The following MARCHF1 variants were observed in gnomAD, a reference collection of about 807,000 sequenced individuals.
MARCHF1 encodes the protein E3 ubiquitin-protein ligase MARCHF1.
In MARCHF1, 40 loss-of-function variants were observed where a neutral mutation model predicts 54.2. The ratio of observed to expected loss-of-function variants is 0.74; its 90% confidence interval spans 0.57 to 0.96. The LOEUF (loss-of-function observed/expected upper bound fraction) is 0.96, where lower values mean the gene tolerates loss of function less well. Among genes scored for constraint, MARCHF1 ranks in the 40% least tolerant of loss-of-function variants. The pLI is 0.00. For missense variants in MARCHF1, 586 were observed against 656.5 expected, an observed-to-expected ratio of 0.89 and a Z score of 1.17; for synonymous variants, 236 against 236.3, an observed-to-expected ratio of 1.00 and a Z score of 0.01.
intron 4 of MARCHF1, among the ~76,000 whole-genome samples, chr4:163,799,057 G>A (rs1188797913): frequency 6.6e-6 from 1 of 151,888 alleles, no homozygotes; most frequent in East Asian, 1.9e-4. Context: ...GTTAAAAATG[G>A]TAATAATGAC....
At chr4:164,182,298 TGAC>T (rs141010348) in intron 1 of MARCHF1, among the ~76,000 whole-genome samples, 22,153 of 151,856 alleles carry the variant, frequency 0.15, 2,164 homozygotes, top group African/African-American at 0.26. Flanking sequence ...TCACTAAACT[TGAC>T]TAATAAATAT....
intron 5 of MARCHF1, among the ~76,000 whole-genome samples, chr4:163,700,560 G>C (rs1489321157): frequency 6.7e-6 from 1 of 148,368 alleles, no homozygotes; most frequent in African/African-American, 2.5e-5. Context: ...AAGGAAGGAA[G>C]GAAGGAAGGA....
chr4:164,330,476 G>A (rs77886156), intron 1 of MARCHF1, among the ~76,000 whole-genome samples: 4 of 152,028 alleles, frequency 2.6e-5, no homozygotes, highest in South Asian at 4.1e-4. Flanking sequence ...AAACCCACCC[G>A]TAGCCACAAA....
chr4:164,197,573 A>G, intron 1 of MARCHF1: 1 of 1,613,288 alleles, frequency 6.2e-7, no homozygotes, highest in Non-Finnish European at 8.5e-7. Flanking sequence ...ATTTTACTTA[A>G]GAATTCCAGT....
intron 1 of MARCHF1, among the ~76,000 whole-genome samples, chr4:164,360,137 T>G (rs1730683530): frequency 6.6e-6 from 1 of 152,060 alleles, no homozygotes; most frequent in African/African-American, 2.4e-5. Flanking sequence ...TCACAAAAAT[T>G]TTGTGACCCA....
chr4:163,880,639 A>C (rs1037623403), intron 3 of MARCHF1, among the ~76,000 whole-genome samples: 4 of 152,002 alleles, frequency 2.6e-5, no homozygotes, highest in African/African-American at 9.7e-5. Flanking sequence ...ATAATATATG[A>C]AGTAGGAAGG....
chr4:163,794,918 G>A (rs1747870397), intron 4 of MARCHF1, among the ~76,000 whole-genome samples: 1 of 151,984 alleles, frequency 6.6e-6, no homozygotes. Flanking sequence ...CTGAGAAATA[G>A]AACATTAAAT....
intron 5 of MARCHF1, among the ~76,000 whole-genome samples, chr4:163,694,946 C>G (rs994107306): frequency 6.6e-6 from 1 of 152,098 alleles, no homozygotes; most frequent in Admixed American, 6.6e-5. Flanking sequence ...AACTCAGGGT[C>G]TCTGAAAGTC....
At chr4:164,244,887 A>G (rs888304694) in intron 1 of MARCHF1, among the ~76,000 whole-genome samples, 17 of 151,706 alleles carry the variant, frequency 1.1e-4, no homozygotes, top group Admixed American at 5.2e-4. Context: ...TGACACATAC[A>G]CTCTCCCAAG....
At chr4:164,203,351 T>C (rs769265428) in intron 1 of MARCHF1, among the ~76,000 whole-genome samples, 2 of 152,088 alleles carry the variant, frequency 1.3e-5, no homozygotes, top group Non-Finnish European at 2.9e-5. Context: ...CTTATTTTGT[T>C]AATTTGGCTC....
chr4:164,201,855 C>A (rs77041545), intron 1 of MARCHF1, among the ~76,000 whole-genome samples: 1,998 of 152,184 alleles, frequency 0.013, 44 homozygotes, highest in East Asian at 0.11. Flanking sequence ...AAGGCTTTAA[C>A]TTTTTTATTA....
intron 2 of MARCHF1, among the ~76,000 whole-genome samples, chr4:164,015,896 T>TCC (rs148930638): frequency 7.7e-6 from 1 of 130,606 alleles, no homozygotes. Context: ...AGTATAAGTT[T>TCC]CCCCAAAAAA....
intron 3 of MARCHF1, among the ~76,000 whole-genome samples, chr4:163,959,324 CAACAACAAAAA>C (rs1169036038): frequency 7.8e-6 from 1 of 128,260 alleles, no homozygotes; most frequent in African/African-American, 2.9e-5. Context: ...AAAACAACAA[CAACAACAAAAA>C]AAAAAAACAA....
chr4:164,081,018 C>T (rs1755085142), intron 2 of MARCHF1, among the ~76,000 whole-genome samples: 1 of 149,646 alleles, frequency 6.7e-6, no homozygotes, highest in Admixed American at 6.7e-5. Context: ...ACCATCCTGG[C>T]TAACACAGTG....
intron 5 of MARCHF1, among the ~76,000 whole-genome samples, chr4:163,648,667 A>C (rs1461795438): frequency 1.3e-5 from 2 of 151,436 alleles, no homozygotes; most frequent in African/African-American, 4.9e-5. Context: ...AAAAAAAAAA[A>C]CAAGGAGCTG....
intron 2 of MARCHF1, among the ~76,000 whole-genome samples, chr4:164,078,321 T>C (rs1019455280): frequency 1.3e-5 from 2 of 152,016 alleles, no homozygotes; most frequent in Admixed American, 6.6e-5. Flanking sequence ...AAATGGGAGC[T>C]GAACAATGAG....
At chr4:163,637,783 C>T (rs1455846633) in intron 5 of MARCHF1, among the ~76,000 whole-genome samples, 2 of 152,000 alleles carry the variant, frequency 1.3e-5, no homozygotes, top group Admixed American at 1.3e-4. Context: ...GCTATAAAGA[C>T]ACATGCACAC....
intron 8 of MARCHF1, 22 bp from the exon 9 acceptor site, chr4:163,545,765 A>G (rs576850511): frequency 1.3e-5 from 21 of 1,609,904 alleles, no homozygotes; most frequent in Non-Finnish European, 8.5e-7. Context: ...AATGAAGGAC[A>G]CAAAACTGAA....
At chr4:163,868,224 T>C (rs1273605184) in intron 3 of MARCHF1, among the ~76,000 whole-genome samples, 1 of 151,776 alleles carries the variant, frequency 6.6e-6, no homozygotes, top group Non-Finnish European at 1.5e-5. Context: ...ATAGGAAAAA[T>C]AGTATCAAAA....
Sources: gnomAD v4.1 joint callset for allele counts (sites outside exome capture counted in the v4.1 genomes callset) on GRCh38, gnomAD v4.1.1 for gene constraint, MANE v1.5 for transcripts, NCBI Gene and HGNC (gene_info 2026-07-23, HGNC 2026-07-21) for gene names.